ELMO2: variants seen among roughly 807,000 people sequenced by gnomAD.
ELMO2 encodes the protein engulfment and cell motility 2.
Under a neutral mutation model 96.2 loss-of-function variants are expected in ELMO2, and 37 were observed. The ratio of observed to expected loss-of-function variants is 0.38; its 90% CI spans 0.30 to 0.51. The LOEUF (loss-of-function observed/expected upper bound fraction) is 0.51, where lower values mean the gene tolerates loss of function less well. Among genes scored for constraint, ELMO2 ranks in the 20% least tolerant of loss-of-function variants. ELMO2 has a pLI of 0.88. For missense variants in ELMO2, 561 were observed against 912.6 expected, an observed-to-expected ratio of 0.61 and a Z score of 4.96; for synonymous variants, 315 against 329.4, an observed-to-expected ratio of 0.96 and a Z score of 0.47.
chr20:46,368,822 T>C, intron 21 of ELMO2, 69 bp downstream of exon 21: 1 of 1,567,014 alleles, frequency 6.4e-7, no homozygotes, highest in Non-Finnish European at 8.8e-7. Context: ...CCTGTTTTGC[T>C]CATTCCTGCC....
At chr20:46,385,058 TG>T (rs2060017726) in intron 9 of ELMO2, among the ~76,000 whole-genome samples, 1 of 152,118 alleles carries the variant, frequency 6.6e-6, no homozygotes, top group Non-Finnish European at 1.5e-5. Flanking sequence ...CTTGGATTAG[TG>T]GGGAAAAACA....
chr20:46,369,959 GGGGTGT>G (rs71181899), intron 20 of ELMO2: 128,158 of 249,724 alleles, frequency 0.51, 27,740 homozygotes, highest in Admixed American at 0.62. Flanking sequence ...GATGGGTATG[GGGGTGT>G]GTGTGTGTGT....
At chr20:46,370,355 T>C (rs917769396) in intron 20 of ELMO2, 88 bp downstream of exon 20, 1 of 1,153,640 alleles carries the variant, frequency 8.7e-7, no homozygotes, top group Non-Finnish European at 1.3e-6. Flanking sequence ...GAGGGGAAGA[T>C]GCCAAGAATG....
At chr20:46,399,057 G>C (rs2060294034) in intron 1 of ELMO2, among the ~76,000 whole-genome samples, 1 of 152,218 alleles carries the variant, frequency 6.6e-6, no homozygotes, top group African/African-American at 2.4e-5. Context: ...AGGCACAGAG[G>C]AGTTAAGTAG....
chr20:46,403,911 C>A (rs1031750767), intron 1 of ELMO2, among the ~76,000 whole-genome samples: 13 of 152,126 alleles, frequency 8.5e-5, no homozygotes, highest in African/African-American at 3.1e-4. Flanking sequence ...TGGTGAAACC[C>A]CGTCTCTACT....
At position 46,386,132 on chromosome 20, in the gene ELMO2, G is replaced by T. The variant is rs779373960; in HGVS notation, c.669C>A (p.His223Gln). The change falls in exon 9 of 22, where the codon CAC becomes CAA. Residue 223 changes from histidine to glutamine, a missense_variant. Transcript: ENST00000290246. ...TAGGGTTTTTTACTCACACCTGGAG[G>T]TGTGAGATGAGCTGTCCCACGGTGA... ...EEITVGQLIS[H>Q]LQVSNQEIQT... The T allele has an allele frequency of 2.5e-6, 4 of 1,614,024 alleles. No homozygotes were observed. The highest frequency in any genetic ancestry group is 2.5e-6 in the Non-Finnish European group (3 of 1,179,928).
chr20:46,381,129 T>C (rs2059947928), intron 10 of ELMO2, among the ~76,000 whole-genome samples: 1 of 152,212 alleles, frequency 6.6e-6, no homozygotes. Flanking sequence ...ACATCAGTGA[T>C]TATTCTGTGT....
chr20:46,383,168 C>T (rs1278931595), intron 10 of ELMO2, among the ~76,000 whole-genome samples: 2 of 152,186 alleles, frequency 1.3e-5, no homozygotes, highest in Non-Finnish European at 1.5e-5. Context: ...CATATTTATT[C>T]TCTGGCCCTT....
At chr20:46,400,698 A>G (rs527788709) in intron 1 of ELMO2, among the ~76,000 whole-genome samples, 61 of 152,272 alleles carry the variant, frequency 4.0e-4, no homozygotes, top group Non-Finnish European at 7.2e-4. Flanking sequence ...CAATTTTACT[A>G]TAAGTCATAA....
rs1464039666 is a variant in ELMO2 at position 46,382,239 on chromosome 20, G to A, written c.756+1177C>T. The A allele has an allele frequency of 1.2e-5, 15 of 1,289,838 alleles. No homozygotes were observed. In the East Asian group the frequency reaches 7.8e-4, roughly 67 times the overall value. 79.9% of individuals were successfully genotyped at this position (1,289,838 alleles called of 1,614,324 possible). ...GCAGGTCTAGAGGATTAAGGTGCTT[G>A]TCCTGCCGGCAGAAAGCAAAAGCAC... On this transcript the variant is annotated intron_variant, in intron 10 of 21. Transcript: ENST00000290246.
chr20:46,375,398 G>A lies in ELMO2; in HGVS notation c.931-28C>T, dbSNP rs1448115250. Reference sequence around the variant, plus strand: ...GCGAGGTGAAACAGACAGTCAGCAGGTGAATCGGCTAACCAAGGGAGCAAG... The same window carrying A: ...GCGAGGTGAAACAGACAGTCAGCAGATGAATCGGCTAACCAAGGGAGCAAG... On this transcript the variant is annotated intron_variant, in intron 12 of 21. Transcript: ENST00000290246. This position sits in a 1 kb window ranked among gnomAD's most constrained non-coding sequence, Gnocchi z 4.6. 4.3e-6 allele frequency: 7 copies of A among 1,611,572 alleles called. No individual in the cohort carries two copies. Among genetic ancestry groups the A allele is most frequent in the Admixed American group, 3.3e-5 (2 of 59,862 alleles).
Position 46,387,224 on chromosome 20 carries a change from C to A in ELMO2, c.525+114G>T, listed in dbSNP as rs1454343915. The A allele has an allele frequency of 4.8e-6, 4 of 829,326 alleles. No individual in the cohort carries two copies. The East Asian group carries it at 1.1e-4, about 22-fold the overall frequency. The allele number at this position is 829,326 out of a possible 1,614,324, so 51.4% of individuals were successfully genotyped here. On this transcript the variant is annotated intron_variant, in intron 8 of 21. Transcript: ENST00000290246. ...GAGCTTGAGGATGAAAAATCTGGCCCCAGGGAATATAAAGCTGATCTCACC... is the reference window on the plus strand; with the variant it reads ...GAGCTTGAGGATGAAAAATCTGGCCACAGGGAATATAAAGCTGATCTCACC...
intron 7 of ELMO2, among the ~76,000 whole-genome samples, chr20:46,388,826 T>C (rs1431327621): frequency 6.6e-6 from 1 of 152,208 alleles, no homozygotes; most frequent in Non-Finnish European, 1.5e-5. Flanking sequence ...TGTACTGTTA[T>C]TTAATTTGTG....
intron 20 of ELMO2, 100 bp from the exon 21 acceptor site, chr20:46,369,068 A>G: frequency 9.4e-7 from 1 of 1,058,654 alleles, no homozygotes; most frequent in Non-Finnish European, 1.4e-6. Flanking sequence ...ATCACCAAAC[A>G]TGCTGATTCA....
intron 1 of ELMO2, among the ~76,000 whole-genome samples, chr20:46,404,273 T>C (rs974756315): frequency 4.6e-5 from 7 of 152,204 alleles, no homozygotes; most frequent in Admixed American, 3.3e-4. Context: ...TCAAATATGC[T>C]TCTTGCTGAG....
chr20:46,390,202 A>G (rs2060127860), intron 6 of ELMO2, among the ~76,000 whole-genome samples: 1 of 152,198 alleles, frequency 6.6e-6, no homozygotes, highest in African/African-American at 2.4e-5. Context: ...GTTAGACAGC[A>G]GAAGAGGTTT....
rs1291759506 is a variant in ELMO2, at chr20:46,394,408, G to A, written c.75C>T (p.Asp25=). The stretch of plus-strand genomic sequence containing the variant: ...GCTTCTCACTTCAGGAGCATACCTG[G>A]TCGATTTCAAGGAGCTGGGCGTTAG... ...PGANAQLLEI[D]QKRPLASIIK... The change falls in exon 3 of 22, where the codon GAC becomes GAT. Residue 25 remains aspartate, a synonymous_variant. Transcript: ENST00000290246. The A allele has an allele frequency of 1.9e-6, 3 of 1,613,970 alleles. No individual in the cohort carries two copies. The highest frequency in any genetic ancestry group is 2.2e-5 in the East Asian group (1 of 44,898).
chr20:46,393,262 A>C, intron 5 of ELMO2, 119 bp from the exon 6 acceptor site: 1 of 1,043,872 alleles, frequency 9.6e-7, no homozygotes, highest in Non-Finnish European at 1.5e-6. Flanking sequence ...GAGGATCTTC[A>C]GTCGGGCCCT....
At chr20:46,382,595 C>T (rs2059975803) in intron 10 of ELMO2, among the ~76,000 whole-genome samples, 1 of 152,174 alleles carries the variant, frequency 6.6e-6, no homozygotes, top group Non-Finnish European at 1.5e-5. Context: ...GAAACTGAGA[C>T]CCAAAAAGAG....
Sources: gnomAD v4.1 joint callset for allele counts (sites outside exome capture counted in the v4.1 genomes callset) on GRCh38, gnomAD v4.1.1 for gene constraint, Gnocchi (gnomAD v3.1) non-coding constraint, MANE v1.5 for transcripts, NCBI Gene and HGNC (gene_info 2026-07-23, HGNC 2026-07-21) for gene names.